WSCD2: variants seen among roughly 807,000 people sequenced by gnomAD.
WSCD2 encodes sialate:O-sulfotransferase 2.
Under a neutral mutation model 55.7 loss-of-function variants are expected in WSCD2, and 28 were observed. The observed-to-expected ratio is 0.50, with a 90% confidence interval of 0.37 to 0.69. The LOEUF is 0.69. Ranked by LOEUF, WSCD2 falls within the 30% of genes least tolerant of loss-of-function variation. WSCD2 has a pLI of 0.00. For synonymous variants in WSCD2, 301 were observed against 301.9 expected (o/e 1.00, Z 0.03); for missense variants, 616 against 762.1 (o/e 0.81, Z 2.26).
rs199708893 is a variant in WSCD2, at chr12:108,195,885, G to A, written c.53G>A (p.Arg18His). 1,501 of 1,614,082 alleles carry A rather than the reference G, an allele frequency of 9.3e-4. 2 individuals are homozygous for A. The highest frequency in any genetic ancestry group is 1.2e-3 in the Non-Finnish European group (1,409 of 1,179,996). Reference sequence around the variant, plus strand: ...CGGTACTTCCGCCGGAAACCTGTGCGCTTCTTTACCTTCCTGGCACTCTAC... The same window carrying A: ...CGGTACTTCCGCCGGAAACCTGTGCACTTCTTTACCTTCCTGGCACTCTAC... Reference protein sequence around the residue: ...FQRYFRRKPVRFFTFLALYLT... With the variant: ...FQRYFRRKPVHFFTFLALYLT... The change falls in exon 2 of 9, where the codon CGC becomes CAC. Residue 18 changes from arginine (R) to histidine (H), a missense_variant. Physicochemically the swap from Arg to His is conservative, Grantham distance 29. Transcript: ENST00000547525.
At chr12:108,175,500 C>G (rs968861686) in intron 1 of WSCD2, among the ~76,000 whole-genome samples, 11 of 152,250 alleles carry the variant, frequency 7.2e-5, no homozygotes, top group Non-Finnish European at 1.6e-4. Context: ...AAAAACAAAA[C>G]CCTGTGCAAA....
rs756214270 is a variant in WSCD2, at chr12:108,248,677, T to C, written c.*334T>C. 2 of 1,064,242 alleles carry C rather than the reference T, an allele frequency of 1.9e-6. No homozygotes were observed. Among genetic ancestry groups the C allele is most frequent in the Non-Finnish European group, 2.3e-6 (2 of 877,536 alleles). The allele number at this position is 1,064,242 out of a possible 1,614,324, so 65.9% of individuals were successfully genotyped here. On this transcript the variant is annotated 3_prime_UTR_variant, in exon 9 of 9. Coordinates refer to ENST00000547525, the MANE Select transcript of WSCD2 (RefSeq NM_014653.4). The surrounding 1 kb of genome is among the most constrained non-coding windows in gnomAD (Gnocchi z 4.3). ...TGGGAGGGAGGGCTCATCCACATCA[T>C]GGAGACTTGCTGGATGCCCCATGGC... is the stretch of plus-strand genomic sequence containing the variant.
intron 8 of WSCD2, among the ~76,000 whole-genome samples, chr12:108,242,004 T>C (rs184561371): frequency 1.3e-5 from 2 of 152,320 alleles, no homozygotes; most frequent in East Asian, 1.9e-4. Flanking sequence ...AGATGAACCA[T>C]TGGTGGCTAT....
At chr12:108,216,455 C>T (rs1223580092) in intron 4 of WSCD2, among the ~76,000 whole-genome samples, 1 of 152,216 alleles carries the variant, frequency 6.6e-6, no homozygotes, top group Non-Finnish European at 1.5e-5. Flanking sequence ...CAGGGAGTAC[C>T]ATTCACATAG....
At chr12:108,228,149 C>T (rs530453521) in intron 6 of WSCD2, among the ~76,000 whole-genome samples, 11 of 152,172 alleles carry the variant, frequency 7.2e-5, no homozygotes, top group South Asian at 4.2e-4. Flanking sequence ...TTCTCCTGAC[C>T]GAGGTATCAT....
intron 6 of WSCD2, among the ~76,000 whole-genome samples, chr12:108,230,782 G>A (rs1174965070): frequency 1.3e-5 from 2 of 152,222 alleles, no homozygotes; most frequent in East Asian, 3.9e-4. Flanking sequence ...CGTGAGGTGA[G>A]CTTGTCTCTT....
Position 108,248,519 on chromosome 12 carries a change from T to C in WSCD2, c.*176T>C, listed in dbSNP as rs1307505188. On this transcript the variant is annotated 3_prime_UTR_variant, in exon 9 of 9. Coordinates refer to ENST00000547525, the MANE Select transcript of WSCD2 (RefSeq NM_014653.4). This position sits in a 1 kb window ranked among gnomAD's most constrained non-coding sequence, Gnocchi z 4.3. Reference sequence around the variant, plus strand: ...GACAGAGGAGGCTCAAGGGAAGAGATTGCCCAGGCACTACCACTCTGCTCA... The same window carrying C: ...GACAGAGGAGGCTCAAGGGAAGAGACTGCCCAGGCACTACCACTCTGCTCA... The C allele has an allele frequency of 1.4e-6, 2 of 1,420,740 alleles. No homozygotes were observed. Among genetic ancestry groups the C allele is most frequent in the Non-Finnish European group, 1.8e-6 (2 of 1,091,164 alleles). The allele number at this position is 1,420,740 out of a possible 1,614,324, so 88.0% of individuals were successfully genotyped here.
chr12:108,217,295 T>C (rs1886954016), intron 4 of WSCD2, among the ~76,000 whole-genome samples: 1 of 152,132 alleles, frequency 6.6e-6, no homozygotes, highest in African/African-American at 2.4e-5. Flanking sequence ...AATCCAGAAT[T>C]CTTTATACCA....
At chr12:108,160,301 T>C (rs1172825933) in intron 1 of WSCD2, among the ~76,000 whole-genome samples, 6 of 152,204 alleles carry the variant, frequency 3.9e-5, no homozygotes, top group African/African-American at 4.8e-5. Flanking sequence ...GGATAGGATA[T>C]GACAAGATAG....
rs916091973 is a variant in WSCD2 at position 108,244,559 on chromosome 12, G to A, written c.1346-3432G>A. 1.3e-5 allele frequency: 9 copies of A among 702,752 alleles called. No individual in the cohort carries two copies. In the Middle Eastern group the frequency reaches 7.0e-4, roughly 54 times the overall value. 43.5% of individuals were successfully genotyped at this position (702,752 alleles called of 1,614,324 possible). On this transcript the variant is annotated intron_variant, in intron 8 of 8. Coordinates refer to ENST00000547525, the MANE Select transcript of WSCD2 (RefSeq NM_014653.4). ...GATCTTTGCAAATCTTATTTCGCTC[G>A]ATTTGCACAGCATCTGTAGGAGGTA...
At chr12:108,245,090 A>G (rs1889991238) in intron 8 of WSCD2, among the ~76,000 whole-genome samples, 1 of 152,128 alleles carries the variant, frequency 6.6e-6, no homozygotes, top group Admixed American at 6.5e-5. Flanking sequence ...CTTTGGGTAG[A>G]TACCCAGTAG....
At chr12:108,226,610 G>A (rs1466486450) in intron 5 of WSCD2, among the ~76,000 whole-genome samples, 1 of 152,148 alleles carries the variant, frequency 6.6e-6, no homozygotes, top group Non-Finnish European at 1.5e-5. Context: ...CACAGTCTTG[G>A]TTGGCCAGAG....
chr12:108,219,286 A>G (rs755444434), intron 4 of WSCD2, among the ~76,000 whole-genome samples: 1 of 152,228 alleles, frequency 6.6e-6, no homozygotes, highest in Non-Finnish European at 1.5e-5. Flanking sequence ...ATGTTCCCCC[A>G]TAGACAGACC....
At chr12:108,159,454 G>T (rs934872734) in intron 1 of WSCD2, among the ~76,000 whole-genome samples, 1 of 152,184 alleles carries the variant, frequency 6.6e-6, no homozygotes, top group Admixed American at 6.5e-5. Flanking sequence ...CTAAGCTGGG[G>T]CTCCACAGTA....
Position 108,134,540 on chromosome 12 carries a change from A to T in WSCD2, c.-552+4614A>T, listed in dbSNP as rs921934995. ...CCAGTTTCCAGCTGGTCACAAGCAG[A>T]TCGGCAAAATAAATGCCCCTCACAG... is the stretch of plus-strand genomic sequence containing the variant. On this transcript the variant is annotated intron_variant, in intron 1 of 8. Coordinates refer to ENST00000547525, the MANE Select transcript of WSCD2 (RefSeq NM_014653.4). 3.3e-5 allele frequency among the ~76,000 whole-genome samples: 5 copies of T among 152,244 alleles called. No individual in the cohort carries two copies. In the South Asian group the frequency reaches 1.0e-3, roughly 32 times the overall value.
In WSCD2 at chr12:108,248,607, T is replaced by G; in HGVS notation, c.*264T>G. The stretch of plus-strand genomic sequence containing the variant: ...GGGGGTTCTAGTTACATGGACTCTT[T>G]TCTGTCTCCTGGGTCCCTGCCCCCA... On this transcript the variant is annotated 3_prime_UTR_variant, in exon 9 of 9. Transcript: ENST00000547525. This position sits in a 1 kb window ranked among gnomAD's most constrained non-coding sequence, Gnocchi z 4.3. 2 of 1,228,104 alleles carry G rather than the reference T, an allele frequency of 1.6e-6. No individual in the cohort carries two copies. The highest frequency in any genetic ancestry group is 2.0e-6 in the Non-Finnish European group (2 of 977,638). The allele number at this position is 1,228,104 out of a possible 1,614,324, so 76.1% of individuals were successfully genotyped here.
chr12:108,237,981 C>T (rs935967401), intron 7 of WSCD2, among the ~76,000 whole-genome samples: 8 of 152,150 alleles, frequency 5.3e-5, no homozygotes, highest in Non-Finnish European at 1.2e-4. Context: ...TGGTATACCC[C>T]CTGCCTGTGT....
chr12:108,225,560 G>A (rs576057188), intron 5 of WSCD2, among the ~76,000 whole-genome samples: 3 of 152,182 alleles, frequency 2.0e-5, no homozygotes, highest in Non-Finnish European at 4.4e-5. Flanking sequence ...GACAGAGGGA[G>A]TTCCCCACTG....
intron 1 of WSCD2, 39 bp downstream of exon 1, chr12:108,129,965 A>G (rs1348041555): frequency 6.6e-6 from 1 of 152,292 alleles, no homozygotes; most frequent in African/African-American, 2.4e-5. Flanking sequence ...AGAGGGCTCC[A>G]GGAGGGAGCC....
Sources: gnomAD v4.1 joint callset for allele counts (sites outside exome capture counted in the v4.1 genomes callset) on GRCh38, gnomAD v4.1.1 for gene constraint, Gnocchi (gnomAD v3.1) non-coding constraint, MANE v1.5 for transcripts, NCBI Gene and HGNC (gene_info 2026-07-23, HGNC 2026-07-21) for gene names.